BCR: variants seen among roughly 807,000 people sequenced by gnomAD.
BCR encodes the protein breakpoint cluster region protein.
Under a neutral mutation model 138.6 loss-of-function variants are expected in BCR, and 58 were observed. That is an observed-to-expected ratio of 0.42 (90% CI 0.34 to 0.52). BCR has a LOEUF of 0.52. Among genes scored for constraint, BCR ranks in the 20% least tolerant of loss-of-function variants. BCR has a pLI of 0.06. For synonymous variants in BCR, 786 were observed against 730.1 expected, an observed-to-expected ratio of 1.08 and a Z score of -1.23; for missense variants, 1,599 against 1,727.2, an observed-to-expected ratio of 0.93 and a Z score of 1.32.
At chr22:23,202,486 TG>T (rs1360205209) in intron 1 of BCR, among the ~76,000 whole-genome samples, 1 of 152,142 alleles carries the variant, frequency 6.6e-6, no homozygotes, top group Non-Finnish European at 1.5e-5. Flanking sequence ...ACTGAAAATC[TG>T]TACTCATTTC....
intron 14 of BCR, among the ~76,000 whole-genome samples, chr22:23,292,248 C>T (rs1334306872): frequency 1.3e-5 from 2 of 152,268 alleles, no homozygotes; most frequent in Non-Finnish European, 2.9e-5. Context: ...GGGCCCTTCT[C>T]ATCGTAGGGG....
intron 8 of BCR, among the ~76,000 whole-genome samples, chr22:23,282,919 A>AC (rs1199693297): frequency 6.6e-6 from 1 of 151,984 alleles, no homozygotes; most frequent in Non-Finnish European, 1.5e-5. Context: ...TGTGAATGTT[A>AC]CCCCTCTCTT....
chr22:23,255,881 A>G (rs2073289563), intron 2 of BCR, among the ~76,000 whole-genome samples: 1 of 152,200 alleles, frequency 6.6e-6, no homozygotes, highest in Non-Finnish European at 1.5e-5. Context: ...CAGAGTTTCC[A>G]ATCCCAAGCA....
In BCR at chr22:23,226,128, C is replaced by T. The variant is rs111586088; in HGVS notation, c.1280-27671C>T. Among the ~76,000 whole-genome samples, 412 of 152,234 alleles carry T rather than the reference C, an allele frequency of 2.7e-3. 2 individuals are homozygous for T. Among genetic ancestry groups the T allele is most frequent in the African/African-American group, 8.1e-3 (335 of 41,546 alleles). ...AAATGGTGCAAACCTTCTTGCACTC[C>T]GTAAATGATTCATTTCCTTCAAATG... On this transcript the variant is annotated intron_variant, in intron 1 of 22. Coordinates refer to ENST00000305877, the MANE Select transcript of BCR (RefSeq NM_004327.4).
At chr22:23,286,230 C>T (rs888342296) in intron 10 of BCR, among the ~76,000 whole-genome samples, 5 of 152,190 alleles carry the variant, frequency 3.3e-5, no homozygotes, top group African/African-American at 1.2e-4. Flanking sequence ...TGGTTTTTTC[C>T]AGAGATGTTT....
chr22:23,198,955 A>G (rs928145345), intron 1 of BCR, among the ~76,000 whole-genome samples: 10 of 151,870 alleles, frequency 6.6e-5, no homozygotes, highest in Non-Finnish European at 8.8e-5. Flanking sequence ...CCCGGTCTCT[A>G]TTACAAATAC....
Position 23,285,206 on chromosome 22 carries a change from A to G in BCR, c.2406+5A>G. 1 of 1,609,370 alleles carries G rather than the reference A, an allele frequency of 6.2e-7. No individual in the cohort carries two copies. The highest frequency in any genetic ancestry group is 2.2e-5 in the East Asian group (1 of 44,772). ...AATGACATCCAGAGAGAGAAGGTGC[A>G]CACCAGGGGAGCAAGGGCCGGGTTT... On this transcript the variant is annotated splice_donor_5th_base_variant and intron_variant, in intron 10 of 22. Coordinates refer to ENST00000305877, the MANE Select transcript of BCR (RefSeq NM_004327.4).
intron 1 of BCR, among the ~76,000 whole-genome samples, chr22:23,246,088 C>G (rs1296073002): frequency 6.6e-6 from 1 of 152,118 alleles, no homozygotes; most frequent in African/African-American, 2.4e-5. Flanking sequence ...ATCATGTTTT[C>G]AAGGTTCATC....
chr22:23,268,890 C>G, intron 5 of BCR, among the ~76,000 whole-genome samples: 1 of 152,222 alleles, frequency 6.6e-6, no homozygotes, highest in East Asian at 1.9e-4. Flanking sequence ...AGGTGGCCCA[C>G]TCTTCCTTTT....
At chr22:23,217,662 A>G (rs1466382769) in intron 1 of BCR, among the ~76,000 whole-genome samples, 1 of 152,252 alleles carries the variant, frequency 6.6e-6, no homozygotes, top group African/African-American at 2.4e-5. Flanking sequence ...TCAATCCTTC[A>G]GGCTCCTTTT....
intron 5 of BCR, 146 bp from the exon 6 acceptor site, chr22:23,271,386 A>G (rs1254822080): frequency 1.2e-6 from 1 of 801,126 alleles, no homozygotes; most frequent in East Asian, 2.7e-5. Flanking sequence ...GGGTCCCTGC[A>G]CACCCTGTGA....
chr22:23,244,678 C>T (rs747885365), intron 1 of BCR, among the ~76,000 whole-genome samples: 1 of 152,190 alleles, frequency 6.6e-6, no homozygotes, highest in Non-Finnish European at 1.5e-5. Flanking sequence ...GTGTCCTGCA[C>T]GTATTAGATA....
intron 4 of BCR, chr22:23,263,394 A>G (rs1347434210): frequency 2.4e-6 from 3 of 1,252,730 alleles, no homozygotes; most frequent in African/African-American, 1.5e-5. Context: ...CAACCTGATG[A>G]CCAGTGTCCC....
At chr22:23,307,085 T>C (rs1359890673) in intron 16 of BCR, among the ~76,000 whole-genome samples, 1 of 152,202 alleles carries the variant, frequency 6.6e-6, no homozygotes. Context: ...CATGTTTCTG[T>C]GTTTCCAGTT....
At chr22:23,205,468 C>A (rs892558505) in intron 1 of BCR, among the ~76,000 whole-genome samples, 13 of 152,176 alleles carry the variant, frequency 8.5e-5, no homozygotes, top group African/African-American at 3.1e-4. Flanking sequence ...TGGAACTTTG[C>A]ACTTGGGTTT....
At chr22:23,206,332 T>C (rs1223697760) in intron 1 of BCR, among the ~76,000 whole-genome samples, 2 of 152,152 alleles carry the variant, frequency 1.3e-5, no homozygotes, top group Admixed American at 6.5e-5. Flanking sequence ...CCCAGCACTT[T>C]GGGAGGCCAA....
At chr22:23,229,150 C>T (rs960143221) in intron 1 of BCR, among the ~76,000 whole-genome samples, 2 of 152,134 alleles carry the variant, frequency 1.3e-5, no homozygotes, top group Admixed American at 1.3e-4. Context: ...TGCTGTTGAA[C>T]CCCTCCAGGT....
At position 23,294,958 on chromosome 22, in the gene BCR, G is replaced by T. The variant is rs2073828817; in HGVS notation, c.2881-66G>T. On this transcript the variant is annotated intron_variant, in intron 15 of 22. Coordinates refer to ENST00000305877, the MANE Select transcript of BCR (RefSeq NM_004327.4). ...CAGCAGGGAGAGCCCCGGTTCAGAG[G>T]ACCCTTCAGCCATAACATTGACCCG... 9 of 1,575,536 alleles carry T rather than the reference G, an allele frequency of 5.7e-6. No individual in the cohort carries two copies. In the South Asian group the frequency reaches 1.0e-4, roughly 18 times the overall value.
At chr22:23,265,142 A>G (rs1213969963) in intron 4 of BCR, 2 of 152,208 alleles carry the variant, frequency 1.3e-5, no homozygotes, top group Admixed American at 1.3e-4. Flanking sequence ...AAACTTTAAT[A>G]TCTGAGGAAC....
Sources: allele counts gnomAD v4.1 joint callset (sites outside exome capture counted in the v4.1 genomes callset), GRCh38; gene constraint gnomAD v4.1.1; transcripts MANE v1.5; gene names NCBI Gene and HGNC (gene_info 2026-07-23, HGNC 2026-07-21).